The following PRLH variants were observed in gnomAD, a reference collection of about 807,000 sequenced individuals.
PRLH encodes the protein prolactin-releasing peptide.
PRLH carries 6 observed loss-of-function variants against 3.2 expected under a neutral mutation model. The ratio of observed to expected loss-of-function variants is 1.86; its 90% CI spans 1.02 to 3.66. The LOEUF is 3.66. Ranked by LOEUF, PRLH falls within the 30% of genes most tolerant of loss-of-function variation. The pLI, the probability that PRLH is intolerant of heterozygous loss-of-function variation, is 0.00. For synonymous variants in PRLH, 65 were observed against 51.1 expected (o/e 1.27, Z -1.16); for missense variants, 145 against 122.6 (o/e 1.18, Z -0.86).
Position 237,566,995 on chromosome 2 carries a change from A to C in PRLH, c.101-17A>C, listed in dbSNP as rs1463084855. ...GGGACACGTGCCCATGGTCTGCTCCAGCTCTTTCCTTTCCAGCCCCTGACA... is the reference window on the plus strand; with the variant it reads ...GGGACACGTGCCCATGGTCTGCTCCCGCTCTTTCCTTTCCAGCCCCTGACA... On this transcript the variant is annotated splice_polypyrimidine_tract_variant and intron_variant, in intron 1 of 1. Transcript: ENST00000165524. 2.5e-6 allele frequency: 4 copies of C among 1,613,260 alleles called. No homozygotes were observed. Among genetic ancestry groups the C allele is most frequent in the Non-Finnish European group, 3.4e-6 (4 of 1,179,906 alleles).
In PRLH at chr2:237,566,760, C is replaced by A. The variant is rs114652643; in HGVS notation, c.100+87C>A. ...GCAGCCTGGTCGCTCGAGAACCTGG[C>A]AGGAACGGGGTGCGCGGGAGGAAAG... is the stretch of plus-strand genomic sequence containing the variant. On this transcript the variant is annotated intron_variant, in intron 1 of 1. Transcript: ENST00000165524. The A allele has an allele frequency of 1.3e-4, 175 of 1,367,600 alleles. 3 individuals are homozygous for A. In the African/African-American group the frequency reaches 2.3e-3, roughly 18 times the overall value. The allele number at this position is 1,367,600 out of a possible 1,614,324, so 84.7% of individuals were successfully genotyped here. A position where few individuals can be genotyped will look rare whatever the true frequency, so the allele number is the denominator to read the frequency against.
At position 237,566,670 on chromosome 2, in the gene PRLH, C is replaced by A. The variant is rs568991351; in HGVS notation, c.97C>A (p.Arg33Ser). ...TACCCATCGGCACTCCATGGAGATC[C>A]GCAGTGAGTGCCTGGACCCCTGTCA... ...SRTHRHSMEI[R>S]TPDINPAWYA... The change falls in exon 1 of 2, where the codon CGC becomes AGC. Residue 33 changes from arginine to serine, a missense_variant. Transcript: ENST00000165524. 5 of 1,555,048 alleles carry A rather than the reference C, an allele frequency of 3.2e-6. No individual in the cohort carries two copies. The highest frequency in any genetic ancestry group is 3.5e-6 in the Non-Finnish European group (4 of 1,150,428).
At chr2:237,566,973 A>G (rs935322571) in intron 1 of PRLH, 39 bp from the exon 2 acceptor site, 3 of 1,610,134 alleles carry the variant, frequency 1.9e-6, no homozygotes, top group East Asian at 2.2e-5. Flanking sequence ...CACCCTGGGG[A>G]CACGTGCCCA....
chr2:237,566,911 G>T, intron 1 of PRLH, 101 bp from the exon 2 acceptor site: 1 of 1,529,384 alleles, frequency 6.5e-7, no homozygotes, highest in Non-Finnish European at 8.9e-7. Context: ...TGGCGACTGG[G>T]CTGAGAGGCC....
At chr2:237,566,755 C>A in intron 1 of PRLH, 82 bp downstream of exon 1, 1 of 1,400,202 alleles carries the variant, frequency 7.1e-7, no homozygotes, top group Non-Finnish European at 9.8e-7. Flanking sequence ...CGCTCGAGAA[C>A]CTGGCAGGAA....
chr2:237,566,800 G>A (rs1159299199), intron 1 of PRLH, 127 bp downstream of exon 1: 2 of 1,165,494 alleles, frequency 1.7e-6, no homozygotes, highest in East Asian at 5.2e-5. Context: ...GTCAGTCTTG[G>A]TGCTTTTTTG....
intron 1 of PRLH, 83 bp from the exon 2 acceptor site, chr2:237,566,929 T>C: frequency 6.4e-7 from 1 of 1,568,204 alleles, no homozygotes; most frequent in Non-Finnish European, 8.7e-7. Flanking sequence ...GCCCTGCCTG[T>C]GCACTCTGCC....
At chr2:237,566,794 G>A in intron 1 of PRLH, 121 bp downstream of exon 1, 1 of 1,186,750 alleles carries the variant, frequency 8.4e-7, no homozygotes, top group Non-Finnish European at 1.2e-6. Context: ...AGGGAAGTCA[G>A]TCTTGGTGCT....
At position 237,566,630 on chromosome 2, in the gene PRLH, G is replaced by A. The variant is rs1012512832; in HGVS notation, c.57G>A (p.Arg19=). The A allele has an allele frequency of 1.3e-6, 2 of 1,577,280 alleles. No individual in the cohort carries two copies. The highest frequency in any genetic ancestry group is 1.2e-5 in the South Asian group (1 of 85,810). ...TGCTGATGCTGGGCCTGGCCCTGCGGGGAGCTGCAAGTCGTACCCATCGGC... is the reference window on the plus strand; with the variant it reads ...TGCTGATGCTGGGCCTGGCCCTGCGAGGAGCTGCAAGTCGTACCCATCGGC... ...LCLLMLGLAL[R]GAASRTHRHS... is the part of the protein sequence containing the mutation. The change falls in exon 1 of 2, where the codon CGG becomes CGA. Residue 19 remains arginine, a synonymous_variant. Coordinates refer to ENST00000165524, the MANE Select transcript of PRLH (RefSeq NM_015893.1).
rs748592104 is a variant in PRLH at position 237,567,016 on chromosome 2, T to A, written c.105T>A (p.Pro35=). The A allele has an allele frequency of 2.5e-6, 4 of 1,613,854 alleles. No individual in the cohort carries two copies. Among genetic ancestry groups the A allele is most frequent in the Non-Finnish European group, 3.4e-6 (4 of 1,179,972 alleles). ...THRHSMEIRT[P]DINPAWYASR... Reference sequence around the variant, plus strand: ...CTCCAGCTCTTTCCTTTCCAGCCCCTGACATCAATCCTGCCTGGTACGCCA... The same window carrying A: ...CTCCAGCTCTTTCCTTTCCAGCCCCAGACATCAATCCTGCCTGGTACGCCA... Residue 35 remains proline (P), a synonymous_variant, in exon 2 of 2, where the codon CCT becomes CCA. Coordinates refer to ENST00000165524, the MANE Select transcript of PRLH (RefSeq NM_015893.1).
chr2:237,567,062 G>A lies in PRLH; in HGVS notation c.151G>A (p.Gly51Ser), dbSNP rs142015444. The A allele has an allele frequency of 1.4e-5, 23 of 1,613,954 alleles. 1 individual carries two copies. In the African/African-American group the frequency reaches 2.5e-4, roughly 18 times the overall value. ...CGCCAGTCGCGGGATCAGGCCTGTGGGCCGCTTCGGTCGGAGGAGGGCAAC... is the reference window on the plus strand; with the variant it reads ...CGCCAGTCGCGGGATCAGGCCTGTGAGCCGCTTCGGTCGGAGGAGGGCAAC... ...WYASRGIRPV[G>S]RFGRRRATLG... Residue 51 changes from glycine (G) to serine (S), a missense_variant, in exon 2 of 2, where the codon GGC becomes AGC. Physicochemically the swap from Gly to Ser is moderately conservative, Grantham distance 56 (BLOSUM62 0). Transcript: ENST00000165524.
Position 237,567,036 on chromosome 2 carries a change from ACGCCAGT to A in PRLH, c.129_135del (p.Ser44GlyfsTer27), listed in dbSNP as rs989594408. 10 of 1,614,020 alleles carry A rather than the reference ACGCCAGT, an allele frequency of 6.2e-6. No individual in the cohort carries two copies. Among genetic ancestry groups the A allele is most frequent in the African/African-American group, 1.3e-5 (1 of 75,030 alleles). On this transcript the variant is annotated frameshift_variant, in exon 2 of 2. Transcript: ENST00000165524. LOFTEE classifies it low-confidence loss of function (END_TRUNC). ...GCCCCTGACATCAATCCTGCCTGGT[ACGCCAGT>A]CGCGGGATCAGGCCTGTGGGCCGCT...
At chr2:237,566,786 G>T (rs2081194667) in intron 1 of PRLH, 113 bp downstream of exon 1, 2 of 1,213,974 alleles carry the variant, frequency 1.6e-6, no homozygotes, top group East Asian at 5.1e-5. Context: ...GGGAGGAAAG[G>T]GAAGTCAGTC....
rs753007054 is a variant in PRLH, at chr2:237,567,043, TCG to T, written c.135_136del (p.Gly46AspfsTer?). 11 of 1,613,930 alleles carry T rather than the reference TCG, an allele frequency of 6.8e-6. No homozygotes were observed. Among genetic ancestry groups the T allele is most frequent in the Non-Finnish European group, 8.5e-6 (10 of 1,179,974 alleles). ...PDINPAWYAS[R>X]GIRPVGRFGR... ...ACATCAATCCTGCCTGGTACGCCAG[TCG>T]CGGGATCAGGCCTGTGGGCCGCTTC... On this transcript the variant is annotated frameshift_variant, in exon 2 of 2. Transcript: ENST00000165524. LOFTEE classifies it low-confidence loss of function (END_TRUNC).
At chr2:237,566,878 C>T (rs1353505032) in intron 1 of PRLH, 134 bp from the exon 2 acceptor site, 4 of 1,359,366 alleles carry the variant, frequency 2.9e-6, no homozygotes, top group East Asian at 2.4e-5. Context: ...GTGCCTGTTC[C>T]TCGGGTGGCT....
At chr2:237,566,770 G>A in intron 1 of PRLH, 97 bp downstream of exon 1, 1 of 1,278,552 alleles carries the variant, frequency 7.8e-7, no homozygotes, top group Non-Finnish European at 1.1e-6. Flanking sequence ...CAGGAACGGG[G>A]TGCGCGGGAG....
In PRLH at chr2:237,567,075, G is replaced by A. The variant is rs372593695; in HGVS notation, c.164G>A (p.Arg55Gln). ...RGIRPVGRFG[R>Q]RRATLGDVPK... is the part of the protein sequence containing the mutation. ...ATCAGGCCTGTGGGCCGCTTCGGTC[G>A]GAGGAGGGCAACCCTGGGGGACGTC... The change falls in exon 2 of 2, where the codon CGG (arginine) becomes CAG (glutamine). Residue 55 changes from arginine to glutamine, a missense_variant. By Grantham distance (43) the Arg-to-Gln change is conservative. Transcript: ENST00000165524. 2.0e-5 allele frequency: 33 copies of A among 1,613,956 alleles called. No individual in the cohort carries two copies. The highest frequency in any genetic ancestry group is 1.6e-4 in the Middle Eastern group (1 of 6,084).
intron 1 of PRLH, 123 bp from the exon 2 acceptor site, chr2:237,566,888 TC>T: frequency 7.0e-7 from 1 of 1,423,484 alleles, no homozygotes; most frequent in Admixed American, 1.7e-5. Flanking sequence ...CTCGGGTGGC[TC>T]CCAGCATGGC....
At chr2:237,566,972 G>C (rs1006933197) in intron 1 of PRLH, 40 bp from the exon 2 acceptor site, 1 of 1,609,616 alleles carries the variant, frequency 6.2e-7, no homozygotes, top group Non-Finnish European at 8.5e-7. Context: ...ACACCCTGGG[G>C]ACACGTGCCC....
Sources: allele counts gnomAD v4.1 joint callset, GRCh38; gene constraint gnomAD v4.1.1; transcripts MANE v1.5; gene names NCBI Gene and HGNC (gene_info 2026-07-23, HGNC 2026-07-21).